DGKB: variants seen among roughly 807,000 people sequenced by gnomAD.
DGKB encodes 90 kDa diacylglycerol kinase.
DGKB carries 67 observed loss-of-function variants against 114.3 expected under a neutral mutation model. The observed-to-expected ratio is 0.59, with a 90% CI of 0.48 to 0.72. DGKB has a LOEUF of 0.72. DGKB is among the 30% of genes least tolerant of loss of function. DGKB has a pLI of 0.00. For synonymous variants in DGKB, 398 were observed against 323.1 expected (o/e 1.23, Z -2.49); for missense variants, 907 against 975.2 (o/e 0.93, Z 0.93).
chr7:14,727,289 A>C (rs1316521810), intron 5 of DGKB, among the ~76,000 whole-genome samples: 1 of 152,200 alleles, frequency 6.6e-6, no homozygotes, highest in Non-Finnish European at 1.5e-5. Flanking sequence ...CAAGTCTAAC[A>C]TATTAAAAAC....
chr7:14,857,256 GTT>G (rs1850295851), intron 1 of DGKB, among the ~76,000 whole-genome samples: 1 of 133,642 alleles, frequency 7.5e-6, no homozygotes, highest in African/African-American at 2.7e-5. Flanking sequence ...TGCTGTGTGT[GTT>G]TGTGTGTGTG....
intron 21 of DGKB, among the ~76,000 whole-genome samples, chr7:14,421,365 C>T (rs1826667519): frequency 6.6e-6 from 1 of 152,036 alleles, no homozygotes; most frequent in Admixed American, 6.6e-5. Context: ...TAACACTTTA[C>T]AAACATATAT....
intron 17 of DGKB, among the ~76,000 whole-genome samples, chr7:14,595,053 G>A (rs1303630413): frequency 2.0e-5 from 3 of 152,024 alleles, no homozygotes; most frequent in African/African-American, 7.2e-5. Flanking sequence ...GCTCTTTGAG[G>A]GCAGTTAATG....
chr7:14,525,405 T>C (rs1302437006), intron 20 of DGKB, among the ~76,000 whole-genome samples: 2 of 152,202 alleles, frequency 1.3e-5, no homozygotes, highest in Non-Finnish European at 2.9e-5. Context: ...TAGACTTTTC[T>C]GGAAACAAGA....
At chr7:14,960,556 G>C (rs1404597447) in intron 1 of DGKB, among the ~76,000 whole-genome samples, 1 of 151,810 alleles carries the variant, frequency 6.6e-6, no homozygotes, top group African/African-American at 2.4e-5. Flanking sequence ...ATAAGAGTAG[G>C]AAGTATATAA....
At chr7:14,268,219 A>ACG (rs1162388382) in intron 23 of DGKB, among the ~76,000 whole-genome samples, 1 of 151,728 alleles carries the variant, frequency 6.6e-6, no homozygotes, top group Non-Finnish European at 1.5e-5. Context: ...TACCACACAC[A>ACG]CACACACACA....
intron 20 of DGKB, among the ~76,000 whole-genome samples, chr7:14,506,702 G>A (rs1363359977): frequency 6.6e-6 from 1 of 152,116 alleles, no homozygotes; most frequent in Non-Finnish European, 1.5e-5. Context: ...TGCCAGTCCA[G>A]GATACTATAA....
At chr7:14,598,010 C>T (rs1585033194) in intron 17 of DGKB, among the ~76,000 whole-genome samples, 1 of 152,076 alleles carries the variant, frequency 6.6e-6, no homozygotes, top group African/African-American at 2.4e-5. Flanking sequence ...TGATGGCATG[C>T]TTCACCAGAA....
intron 1 of DGKB, among the ~76,000 whole-genome samples, chr7:14,867,894 T>G (rs910377675): frequency 1.3e-5 from 2 of 152,144 alleles, no homozygotes; most frequent in African/African-American, 4.8e-5. Context: ...CAGTCAAACA[T>G]CATTAGCACT....
chr7:14,216,726 A>C (rs1789030965), intron 23 of DGKB, among the ~76,000 whole-genome samples: 1 of 81,916 alleles, frequency 1.2e-5, no homozygotes, highest in Non-Finnish European at 2.3e-5. Flanking sequence ...ACTCCGTCTC[A>C]AAAAAAAAAA....
In DGKB at chr7:14,190,451, C is replaced by T. The variant is rs74916471; in HGVS notation, c.2123-12300G>A. Among the ~76,000 whole-genome samples, 61 of 151,986 alleles carry T rather than the reference C, an allele frequency of 4.0e-4. No individual in the cohort carries two copies. In the East Asian group the frequency reaches 9.3e-3, roughly 23 times the overall value. ...ATCACAAAAGAAGATTTCTATGAAA[C>T]AATCCAACAATGCATCTCAAAGGCC... On this transcript the variant is annotated intron_variant, in intron 23 of 25. Transcript: ENST00000402815.
At chr7:14,484,541 C>T (rs1783485030) in intron 20 of DGKB, among the ~76,000 whole-genome samples, 1 of 152,180 alleles carries the variant, frequency 6.6e-6, no homozygotes, top group Admixed American at 6.5e-5. Context: ...ATGTGAGGCA[C>T]CTGTTGCCCC....
chr7:14,685,435 T>G, intron 9 of DGKB, 73 bp from the exon 10 acceptor site: 1 of 1,115,200 alleles, frequency 9.0e-7, no homozygotes, highest in Non-Finnish European at 1.4e-6. Context: ...CCAATGAAAT[T>G]CAGAGCTGGA....
intron 5 of DGKB, among the ~76,000 whole-genome samples, chr7:14,719,258 C>T (rs939121780): frequency 6.6e-6 from 1 of 152,088 alleles, no homozygotes; most frequent in Admixed American, 6.5e-5. Context: ...TCTGGATAAA[C>T]ATGATGGATA....
At chr7:14,377,574 G>A (rs1411828742) in intron 21 of DGKB, among the ~76,000 whole-genome samples, 2 of 152,160 alleles carry the variant, frequency 1.3e-5, no homozygotes, top group African/African-American at 4.8e-5. Flanking sequence ...CACTTGATAA[G>A]TGATTTTAAT....
At chr7:14,848,959 T>C (rs1445953161) in intron 1 of DGKB, among the ~76,000 whole-genome samples, 1 of 152,008 alleles carries the variant, frequency 6.6e-6, no homozygotes, top group Non-Finnish European at 1.5e-5. Flanking sequence ...TGCCCAATTC[T>C]GCTTGCTTTT....
chr7:14,857,496 T>A (rs1357147552), intron 1 of DGKB, among the ~76,000 whole-genome samples: 1 of 152,138 alleles, frequency 6.6e-6, no homozygotes, highest in Non-Finnish European at 1.5e-5. Context: ...ACTGAAATAA[T>A]AAATAGCGGA....
At chr7:14,599,777 A>C (rs1267107519) in intron 17 of DGKB, among the ~76,000 whole-genome samples, 2 of 152,150 alleles carry the variant, frequency 1.3e-5, no homozygotes, top group African/African-American at 2.4e-5. Flanking sequence ...TTTTGAACCA[A>C]TTCATCTGCT....
intron 1 of DGKB, among the ~76,000 whole-genome samples, chr7:14,858,352 C>T (rs911482575): frequency 2.0e-5 from 3 of 152,064 alleles, no homozygotes; most frequent in Non-Finnish European, 4.4e-5. Flanking sequence ...TAGTAATACA[C>T]ATCAAAGAAA....
Sources: allele counts gnomAD v4.1 joint callset (sites outside exome capture counted in the v4.1 genomes callset), GRCh38; gene constraint gnomAD v4.1.1; transcripts MANE v1.5; gene names NCBI Gene and HGNC (gene_info 2026-07-23, HGNC 2026-07-21).